Variants in HS3ST5 observed in about 807,000 individuals in gnomAD.
The protein encoded by HS3ST5 is heparan sulfate-glucosamine 3-sulfotransferase 5, also known as heparan sulfate glucosamine 3-O-sulfotransferase 5.
HS3ST5 carries 10 observed loss-of-function variants against 25.4 expected under a neutral mutation model. The observed-to-expected ratio is 0.39, with a 90% CI of 0.24 to 0.67. The LOEUF (loss-of-function observed/expected upper bound fraction) is 0.67, where lower values mean the gene tolerates loss of function less well. Ranked by LOEUF, HS3ST5 falls within the 30% of genes least tolerant of loss-of-function variation. HS3ST5 has a pLI of 0.44. For missense variants in HS3ST5, 324 were observed against 420.7 expected, an observed-to-expected ratio of 0.77 and a Z score of 2.01; for synonymous variants, 170 against 162.4, an observed-to-expected ratio of 1.05 and a Z score of -0.36.
chr6:114,277,752 C>T (rs912511443), intron 1 of HS3ST5, among the ~76,000 whole-genome samples: 5 of 151,862 alleles, frequency 3.3e-5, no homozygotes, highest in African/African-American at 9.7e-5. Context: ...TCGGGAAAAG[C>T]CATATGCAGA....
chr6:114,137,619 G>A (rs1196325411), intron 3 of HS3ST5, among the ~76,000 whole-genome samples: 1 of 152,190 alleles, frequency 6.6e-6, no homozygotes, highest in Admixed American at 6.5e-5. Flanking sequence ...TGAAGTCTCA[G>A]TGGACTCTTG....
chr6:114,241,639 C>T (rs1331839883), intron 1 of HS3ST5, among the ~76,000 whole-genome samples: 3 of 152,244 alleles, frequency 2.0e-5, no homozygotes, highest in Non-Finnish European at 2.9e-5. Context: ...ACTGCATCTT[C>T]GTTTCCAGAC....
intron 1 of HS3ST5, among the ~76,000 whole-genome samples, chr6:114,324,377 T>G (rs533651672): frequency 6.6e-6 from 1 of 152,324 alleles, no homozygotes; most frequent in Non-Finnish European, 1.5e-5. Context: ...AGCTCATCAC[T>G]TTTCTTCATC....
chr6:114,312,381 T>C (rs2114848891), intron 1 of HS3ST5, among the ~76,000 whole-genome samples: 1 of 152,168 alleles, frequency 6.6e-6, no homozygotes, highest in East Asian at 1.9e-4. Context: ...AATATATTTA[T>C]ATCTAAATAG....
intron 1 of HS3ST5, among the ~76,000 whole-genome samples, chr6:114,309,949 G>A (rs544117562): frequency 4.6e-5 from 7 of 152,248 alleles, no homozygotes; most frequent in African/African-American, 1.7e-4. Flanking sequence ...TAAAGAAAAA[G>A]TATCTATATT....
At chr6:114,301,415 A>T (rs1775069297) in intron 1 of HS3ST5, among the ~76,000 whole-genome samples, 1 of 152,144 alleles carries the variant, frequency 6.6e-6, no homozygotes. Flanking sequence ...ACTGTCAAAC[A>T]CTTGTTGTCT....
intron 3 of HS3ST5, among the ~76,000 whole-genome samples, chr6:114,128,601 C>A (rs1777163429): frequency 6.6e-6 from 1 of 152,166 alleles, no homozygotes; most frequent in South Asian, 2.1e-4. Flanking sequence ...TCAATAGGCA[C>A]ACATTAGTCT....
At chr6:114,091,766 G>A (rs937623877) in intron 3 of HS3ST5, among the ~76,000 whole-genome samples, 6 of 152,136 alleles carry the variant, frequency 3.9e-5, no homozygotes, top group African/African-American at 7.2e-5. Flanking sequence ...CAAAGAAAGC[G>A]AAAGTATCTT....
intron 3 of HS3ST5, among the ~76,000 whole-genome samples, chr6:114,090,874 C>T (rs1411786374): frequency 6.6e-6 from 1 of 152,138 alleles, no homozygotes; most frequent in Admixed American, 6.5e-5. Context: ...GTACAATTGC[C>T]CTCTTAGCAG....
intron 3 of HS3ST5, among the ~76,000 whole-genome samples, chr6:114,093,123 T>C (rs929282694): frequency 6.6e-6 from 1 of 152,132 alleles, no homozygotes; most frequent in Admixed American, 6.5e-5. Context: ...TAACAAATGG[T>C]GGAAGAGGAA....
chr6:114,182,392 T>A (rs1780014878), intron 2 of HS3ST5, among the ~76,000 whole-genome samples: 1 of 152,168 alleles, frequency 6.6e-6, no homozygotes, highest in East Asian at 1.9e-4. Flanking sequence ...AAGGTCAGGT[T>A]AAGAGGAAAA....
intron 1 of HS3ST5, among the ~76,000 whole-genome samples, chr6:114,311,631 C>G (rs1041277413): frequency 6.7e-6 from 1 of 149,554 alleles, no homozygotes; most frequent in Non-Finnish European, 1.5e-5. Flanking sequence ...CAACCTCCGC[C>G]TCCCAGGTTC....
intron 1 of HS3ST5, among the ~76,000 whole-genome samples, chr6:114,283,678 G>GA (rs1233226757): frequency 2.0e-5 from 3 of 150,030 alleles, no homozygotes; most frequent in African/African-American, 4.9e-5. Context: ...GTTCTTTTAG[G>GA]AAAAAAGAAA....
intron 4 of HS3ST5, among the ~76,000 whole-genome samples, chr6:114,061,296 C>G (rs1034746820): frequency 3.3e-5 from 5 of 152,158 alleles, no homozygotes; most frequent in African/African-American, 4.8e-5. Context: ...CTCAAGGCTT[C>G]TCAATAACCA....
At chr6:114,110,428 CTG>C (rs1776212177) in intron 3 of HS3ST5, among the ~76,000 whole-genome samples, 1 of 152,060 alleles carries the variant, frequency 6.6e-6, no homozygotes, top group Non-Finnish European at 1.5e-5. Context: ...GAGCATGACT[CTG>C]TGCCCAGGAC....
At chr6:114,235,995 CTGACCAGAA>C (rs1456762311) in intron 1 of HS3ST5, among the ~76,000 whole-genome samples, 4 of 152,220 alleles carry the variant, frequency 2.6e-5, no homozygotes, top group African/African-American at 9.6e-5. Context: ...CCTAATGAGT[CTGACCAGAA>C]TGAGAGTGCC....
intron 1 of HS3ST5, among the ~76,000 whole-genome samples, chr6:114,240,013 C>T (rs1329800049): frequency 2.0e-5 from 3 of 151,060 alleles, no homozygotes; most frequent in African/African-American, 2.4e-5. Flanking sequence ...CACACATACA[C>T]ACACACACAC....
At chr6:114,276,101 T>A (rs1171277206) in intron 1 of HS3ST5, among the ~76,000 whole-genome samples, 2 of 150,190 alleles carry the variant, frequency 1.3e-5, no homozygotes, top group Non-Finnish European at 3.0e-5. Flanking sequence ...GGTGGCTAGC[T>A]GCCCTCCCAC....
At chr6:114,254,818 T>G (rs1408737700) in intron 1 of HS3ST5, among the ~76,000 whole-genome samples, 3 of 152,166 alleles carry the variant, frequency 2.0e-5, no homozygotes, top group African/African-American at 7.2e-5. Flanking sequence ...ATTGCTGCCA[T>G]GATTCAATTA....
Sources: gnomAD v4.1 joint callset for allele counts (sites outside exome capture counted in the v4.1 genomes callset) on GRCh38, gnomAD v4.1.1 for gene constraint, MANE v1.5 for transcripts, NCBI Gene and HGNC (gene_info 2026-07-23, HGNC 2026-07-21) for gene names.